Variants in CNTNAP2 observed in about 807,000 individuals in gnomAD.
The protein encoded by CNTNAP2 is contactin associated protein 2.
CNTNAP2 carries 98 observed loss-of-function variants against 155.2 expected under a neutral mutation model. That is an observed-to-expected ratio of 0.63 (90% CI 0.54 to 0.75). CNTNAP2 has a LOEUF of 0.75. CNTNAP2 is among the 30% of genes least tolerant of loss of function. CNTNAP2 has a pLI of 0.00. For synonymous variants in CNTNAP2, 651 were observed against 631.2 expected, an observed-to-expected ratio of 1.03 and a Z score of -0.47; for missense variants, 1,727 against 1,688.1, an observed-to-expected ratio of 1.02 and a Z score of -0.40.
intron 9 of CNTNAP2, among the ~76,000 whole-genome samples, chr7:147,367,096 A>G (rs1796245262): frequency 6.6e-6 from 1 of 152,316 alleles, no homozygotes; most frequent in African/African-American, 2.4e-5. Context: ...GTATACAAAA[A>G]GCACCAAAAC....
intron 15 of CNTNAP2, among the ~76,000 whole-genome samples, chr7:148,019,747 G>A (rs924834046): frequency 7.3e-5 from 11 of 151,298 alleles, no homozygotes; most frequent in Admixed American, 2.0e-4. Context: ...GTGAGCCATC[G>A]TGCCCATTCT....
intron 8 of CNTNAP2, among the ~76,000 whole-genome samples, chr7:147,142,548 G>A (rs1326965986): frequency 6.6e-6 from 1 of 151,872 alleles, no homozygotes; most frequent in Admixed American, 6.6e-5. Context: ...TTTTTGTTGT[G>A]TCTCTGCCAG....
At chr7:146,365,699 G>A (rs1300079100) in intron 1 of CNTNAP2, among the ~76,000 whole-genome samples, 1 of 152,054 alleles carries the variant, frequency 6.6e-6, no homozygotes, top group African/African-American at 2.4e-5. Flanking sequence ...CTATAATATG[G>A]CAATGAGTCA....
At chr7:147,950,142 G>A (rs773113541) in intron 14 of CNTNAP2, among the ~76,000 whole-genome samples, 7 of 151,806 alleles carry the variant, frequency 4.6e-5, no homozygotes, top group East Asian at 1.9e-4. Context: ...GATGGGTTGC[G>A]GAAAGCAGTT....
chr7:146,224,433 A>C (rs1357266680), intron 1 of CNTNAP2, among the ~76,000 whole-genome samples: 3 of 149,200 alleles, frequency 2.0e-5, no homozygotes. Context: ...CAGTGGTTTA[A>C]AAAAAAAAAA....
chr7:146,373,686 T>C (rs114314626), intron 1 of CNTNAP2, among the ~76,000 whole-genome samples: 3,383 of 152,080 alleles, frequency 0.022, 135 homozygotes, highest in African/African-American at 0.078. Flanking sequence ...AAAATTGCCA[T>C]AAATATAACA....
chr7:146,301,019 C>T (rs17170033), intron 1 of CNTNAP2, among the ~76,000 whole-genome samples: 37,363 of 152,032 alleles, frequency 0.25, 5,321 homozygotes, highest in Admixed American at 0.39. Flanking sequence ...TACAAACATG[C>T]TATTTAAGGC....
rs545671071 is a variant in CNTNAP2 at position 148,225,563 on chromosome 7, A to T, written c.3248-4083A>T. On this transcript the variant is annotated intron_variant, in intron 19 of 23. Transcript: ENST00000361727. Reference sequence around the variant, plus strand: ...AGCCATTGCAAGAAGTTTGATTTTTACTCTGAGACGGGGAGTTACTGGGAT... The same window carrying T: ...AGCCATTGCAAGAAGTTTGATTTTTTCTCTGAGACGGGGAGTTACTGGGAT... 2.6e-5 allele frequency among the ~76,000 whole-genome samples: 4 copies of T among 152,128 alleles called. No homozygotes were observed. The East Asian group carries it at 7.7e-4, about 29-fold the overall frequency.
At chr7:146,866,478 A>T (rs1795208103) in intron 3 of CNTNAP2, among the ~76,000 whole-genome samples, 1 of 152,142 alleles carries the variant, frequency 6.6e-6, no homozygotes, top group African/African-American at 2.4e-5. Flanking sequence ...GTGCCAAATA[A>T]GAAAACAATT....
intron 1 of CNTNAP2, among the ~76,000 whole-genome samples, chr7:146,568,783 A>G (rs17170157): frequency 0.29 from 44,413 of 151,948 alleles, 6,667 homozygotes; most frequent in East Asian, 0.5. Context: ...TGGGCTTTGA[A>G]GCCAAACAGA....
At chr7:148,170,227 T>G (rs1385643775) in intron 17 of CNTNAP2, among the ~76,000 whole-genome samples, 1 of 152,220 alleles carries the variant, frequency 6.6e-6, no homozygotes, top group Non-Finnish European at 1.5e-5. Flanking sequence ...AAAAATGATT[T>G]CTACATTTTA....
chr7:146,487,969 A>G (rs954934767), intron 1 of CNTNAP2, among the ~76,000 whole-genome samples: 1 of 152,202 alleles, frequency 6.6e-6, no homozygotes, highest in Non-Finnish European at 1.5e-5. Flanking sequence ...AGATTTTTCA[A>G]CAAGTCTGAG....
chr7:146,359,219 G>A (rs1209995654), intron 1 of CNTNAP2, among the ~76,000 whole-genome samples: 1 of 152,208 alleles, frequency 6.6e-6, no homozygotes, highest in Non-Finnish European at 1.5e-5. Context: ...ATGCCACTTG[G>A]AAATACATAT....
At chr7:148,132,970 G>A (rs988246596) in intron 16 of CNTNAP2, among the ~76,000 whole-genome samples, 7 of 152,044 alleles carry the variant, frequency 4.6e-5, no homozygotes, top group Non-Finnish European at 8.8e-5. Context: ...ATTGAAAATA[G>A]AGTAAAACCA....
intron 10 of CNTNAP2, among the ~76,000 whole-genome samples, chr7:147,485,156 T>C (rs1307607158): frequency 6.6e-6 from 1 of 152,182 alleles, no homozygotes; most frequent in Non-Finnish European, 1.5e-5. Flanking sequence ...ATCTAAAGCT[T>C]CCGTTTATTG....
At chr7:148,069,663 G>C (rs182780674) in intron 15 of CNTNAP2, among the ~76,000 whole-genome samples, 1,524 of 151,344 alleles carry the variant, frequency 0.01, 44 homozygotes, top group Admixed American at 0.06. Context: ...GGGAGGCTGA[G>C]ACAGGAGAAT....
intron 14 of CNTNAP2, among the ~76,000 whole-genome samples, chr7:147,965,652 A>G (rs746170097): frequency 1.5e-4 from 23 of 152,008 alleles, no homozygotes; most frequent in Non-Finnish European, 2.9e-4. Context: ...GGCTTATAGT[A>G]CATATAATTC....
intron 13 of CNTNAP2, among the ~76,000 whole-genome samples, chr7:147,808,052 A>T (rs1477008484): frequency 1.3e-5 from 2 of 151,850 alleles, no homozygotes; most frequent in Non-Finnish European, 2.9e-5. Context: ...TTGACTTGAC[A>T]TGTCTGGGAC....
rs528939861 is a variant in CNTNAP2 at position 147,304,590 on chromosome 7, G to A, written c.1498+4300G>A. Reference sequence around the variant, plus strand: ...TCTAGAGCCAGTCTTACTGGAAGAGGAGTTCTAAAGAACTCAATGGGGAAG... The same window carrying A: ...TCTAGAGCCAGTCTTACTGGAAGAGAAGTTCTAAAGAACTCAATGGGGAAG... On this transcript the variant is annotated intron_variant, in intron 9 of 23. Transcript: ENST00000361727. 1.4e-4 allele frequency among the ~76,000 whole-genome samples: 21 copies of A among 152,256 alleles called. No homozygotes were observed. In the East Asian group the frequency reaches 4.1e-3, roughly 29 times the overall value.
Sources: allele counts gnomAD v4.1 joint callset (sites outside exome capture counted in the v4.1 genomes callset), GRCh38; gene constraint gnomAD v4.1.1; transcripts MANE v1.5; gene names NCBI Gene and HGNC (gene_info 2026-07-23, HGNC 2026-07-21).